Variants in WWOX observed in about 807,000 individuals in gnomAD.
WWOX encodes the protein WW domain-containing oxidoreductase.
A neutral mutation model predicts 46.2 loss-of-function variants in WWOX; 69 were observed. The observed-to-expected ratio is 1.49, with a 90% confidence interval of 1.23 to 1.82. The LOEUF is 1.82. WWOX is among the 40% of genes most tolerant of loss of function. The pLI, the probability that WWOX is intolerant of heterozygous loss-of-function variation, is 0.00. For synonymous variants in WWOX, 359 were observed against 202.6 expected, an observed-to-expected ratio of 1.77 and a Z score of -6.56; for missense variants, 919 against 542.6, an observed-to-expected ratio of 1.69 and a Z score of -6.89.
chr16:79,073,904 C>T (rs374862528), intron 8 of WWOX, among the ~76,000 whole-genome samples: 79 of 152,150 alleles, frequency 5.2e-4, no homozygotes, highest in African/African-American at 1.7e-3. Flanking sequence ...TTTTGTATGT[C>T]CTTTTTAATT....
In WWOX at chr16:78,982,269, A is replaced by G. The variant is rs981906979; in HGVS notation, c.1057-229339A>G. 2.6e-5 allele frequency among the ~76,000 whole-genome samples: 4 copies of G among 152,208 alleles called. No individual in the cohort carries two copies. In the East Asian group the frequency reaches 7.7e-4, roughly 29 times the overall value. On this transcript the variant is annotated intron_variant, in intron 8 of 8. Coordinates refer to ENST00000566780, the MANE Select transcript of WWOX (RefSeq NM_016373.4). ...TGTGTTTCCAAAATACAGACAGGCA[A>G]GTTTGAATCACTTTGACTTTGAAAG...
In WWOX at chr16:79,212,165, GGCCACCACT is replaced by G. The variant is rs143553940; in HGVS notation, c.*372_*380del. The G allele has an allele frequency of 2.2e-3, 3,334 of 1,493,766 alleles. 63 individuals are homozygous for G. In the African/African-American group the frequency reaches 0.042, roughly 19 times the overall value. 92.5% of individuals were successfully genotyped at this position (1,493,766 alleles called of 1,614,324 possible). A position where few individuals can be genotyped will look rare whatever the true frequency, so the allele number is the denominator to read the frequency against. Reference sequence around the variant, plus strand: ...CCTCGTCCCATCCAGCTACCACCACGGCCACCACTGCAGCCGGGGGCTGGCCTTCTCCTA... The same window carrying G: ...CCTCGTCCCATCCAGCTACCACCACGGCAGCCGGGGGCTGGCCTTCTCCTA... On this transcript the variant is annotated 3_prime_UTR_variant, in exon 9 of 9. Transcript: ENST00000566780.
chr16:78,164,116 G>A, intron 4 of WWOX, 67 bp from the exon 5 acceptor site: 1 of 1,420,216 alleles, frequency 7.0e-7, no homozygotes, highest in Non-Finnish European at 9.8e-7. Flanking sequence ...CTCCGGTAAA[G>A]GCCATTCAAC....
intron 8 of WWOX, among the ~76,000 whole-genome samples, chr16:78,694,270 G>A (rs773521101): frequency 7.9e-5 from 12 of 152,070 alleles, no homozygotes; most frequent in African/African-American, 7.2e-5. Context: ...GTTAGGGGTC[G>A]GGTCAAAGCG....
chr16:78,659,818 C>G (rs74658641), intron 8 of WWOX, among the ~76,000 whole-genome samples: 2 of 152,160 alleles, frequency 1.3e-5, no homozygotes, highest in South Asian at 2.1e-4. Flanking sequence ...ACAAGTCACT[C>G]TTACTTAAAC....
At chr16:79,202,094 C>T (rs139480989) in intron 8 of WWOX, among the ~76,000 whole-genome samples, 132 of 152,200 alleles carry the variant, frequency 8.7e-4, no homozygotes, top group Admixed American at 1.0e-3. Context: ...AATACAGACA[C>T]GTTCATTTGG....
chr16:79,064,344 A>C (rs749466233), intron 8 of WWOX, among the ~76,000 whole-genome samples: 1 of 152,252 alleles, frequency 6.6e-6, no homozygotes, highest in African/African-American at 2.4e-5. Context: ...GATGGGTTGC[A>C]CTGTAAGTTT....
intron 8 of WWOX, among the ~76,000 whole-genome samples, chr16:79,021,968 C>T (rs1393986732): frequency 6.6e-6 from 1 of 152,206 alleles, no homozygotes; most frequent in African/African-American, 2.4e-5. Flanking sequence ...GTGACGTTCT[C>T]TCTGCAGGCA....
intron 8 of WWOX, among the ~76,000 whole-genome samples, chr16:79,092,481 G>GA (rs745513153): frequency 2.1e-4 from 32 of 152,156 alleles, no homozygotes; most frequent in Middle Eastern, 3.2e-3. Flanking sequence ...CCACCAGGCT[G>GA]ACCCTATACA....
chr16:78,858,500 G>A (rs941924187), intron 8 of WWOX, among the ~76,000 whole-genome samples: 1 of 152,016 alleles, frequency 6.6e-6, no homozygotes, highest in African/African-American at 2.4e-5. Flanking sequence ...ATAGCTGAAT[G>A]TTTTTGTGTG....
At chr16:78,890,598 TAAGA>T (rs2044568968) in intron 8 of WWOX, 1 of 152,192 alleles carries the variant, frequency 6.6e-6, no homozygotes, top group Non-Finnish European at 1.5e-5. Context: ...GGGAACAAAT[TAAGA>T]GAGAGAAGAG....
At chr16:78,629,043 G>A (rs2046371103) in intron 8 of WWOX, among the ~76,000 whole-genome samples, 1 of 152,094 alleles carries the variant, frequency 6.6e-6, no homozygotes, top group Non-Finnish European at 1.5e-5. Context: ...TAACCCAATA[G>A]ACCATAACTG....
At chr16:78,318,344 C>T (rs950012566) in intron 5 of WWOX, among the ~76,000 whole-genome samples, 2 of 142,678 alleles carry the variant, frequency 1.4e-5, no homozygotes, top group Admixed American at 7.4e-5. Flanking sequence ...GCAATGGAGA[C>T]AGGAATGAGG....
chr16:79,070,648 G>A (rs554708457), intron 8 of WWOX, among the ~76,000 whole-genome samples: 13 of 152,292 alleles, frequency 8.5e-5, no homozygotes, highest in African/African-American at 1.7e-4. Context: ...AGTTCAGGGC[G>A]TGAGAGGGTA....
intron 8 of WWOX, among the ~76,000 whole-genome samples, chr16:79,057,074 C>T (rs1290061014): frequency 6.6e-6 from 1 of 152,184 alleles, no homozygotes; most frequent in Non-Finnish European, 1.5e-5. Flanking sequence ...CGCCATGGGC[C>T]TGAATTGAAG....
At chr16:78,438,821 A>G (rs916054294) in intron 8 of WWOX, among the ~76,000 whole-genome samples, 4 of 152,140 alleles carry the variant, frequency 2.6e-5, no homozygotes, top group African/African-American at 4.8e-5. Flanking sequence ...CTGCTAATGG[A>G]TGGGCCGGCA....
At chr16:78,263,029 T>C (rs901056200) in intron 5 of WWOX, among the ~76,000 whole-genome samples, 2 of 152,324 alleles carry the variant, frequency 1.3e-5, no homozygotes, top group South Asian at 2.1e-4. Context: ...CCCTTGGCTC[T>C]GCTTTCCTTA....
intron 6 of WWOX, among the ~76,000 whole-genome samples, chr16:78,410,841 C>A (rs893325763): frequency 2.0e-5 from 3 of 150,398 alleles, no homozygotes; most frequent in African/African-American, 7.4e-5. Flanking sequence ...TAGCTGGGGC[C>A]AAGGTCATCT....
In WWOX at chr16:78,113,017, A is replaced by AT. The variant is rs759361852; in HGVS notation, c.231-1953dup. On this transcript the variant is annotated intron_variant, in intron 3 of 8. Transcript: ENST00000566780. ...GACCACACCTGACTGAATTTCTTAA[A>AT]TTTTTTATGTAGTCAAATCAATTTT... 1.7e-4 allele frequency among the ~76,000 whole-genome samples: 26 copies of AT among 152,198 alleles called. 1 individual carries two copies. The South Asian group carries it at 3.9e-3, about 23-fold the overall frequency.
Sources: allele counts gnomAD v4.1 joint callset (sites outside exome capture counted in the v4.1 genomes callset), GRCh38; gene constraint gnomAD v4.1.1; transcripts MANE v1.5; gene names NCBI Gene and HGNC (gene_info 2026-07-23, HGNC 2026-07-21).